ABR: variants seen among roughly 807,000 people sequenced by gnomAD.
The protein encoded by ABR is active breakpoint cluster region-related protein.
Under a neutral mutation model 107.2 loss-of-function variants are expected in ABR, and 35 were observed. The observed-to-expected ratio is 0.33, with a 90% confidence interval of 0.25 to 0.43. The LOEUF is 0.43. ABR is among the 20% of genes least tolerant of loss of function. The pLI, the probability that ABR is intolerant of heterozygous loss-of-function variation, is 1.00. For missense variants in ABR, 815 were observed against 1,115.2 expected (o/e 0.73, Z 3.83); for synonymous variants, 498 against 462.0 (o/e 1.08, Z -1.00).
At chr17:1,112,704 C>T (rs1020176598) in intron 2 of ABR, among the ~76,000 whole-genome samples, 5 of 151,922 alleles carry the variant, frequency 3.3e-5, no homozygotes, top group African/African-American at 1.2e-4. Context: ...GTGGGCTGAA[C>T]AGCATCATGG....
intron 16 of ABR, among the ~76,000 whole-genome samples, chr17:1,031,419 AGCGTTC>A (rs2072736580): frequency 6.6e-6 from 1 of 152,034 alleles, no homozygotes; most frequent in Non-Finnish European, 1.5e-5. Context: ...GGGCGGCCCC[AGCGTTC>A]GCCATCAAGT....
intron 10 of ABR, among the ~76,000 whole-genome samples, chr17:1,062,770 T>C (rs2034170048): frequency 6.8e-6 from 1 of 147,742 alleles, no homozygotes; most frequent in East Asian, 1.9e-4. Flanking sequence ...CTGAGGGCTA[T>C]GCATGTTCCT....
At chr17:1,139,352 A>C (rs954935569) in intron 1 of ABR, among the ~76,000 whole-genome samples, 8 of 152,258 alleles carry the variant, frequency 5.3e-5, no homozygotes, top group East Asian at 3.9e-4. Context: ...CCCGGGTTCA[A>C]GCCATTCTCC....
intron 4 of ABR, among the ~76,000 whole-genome samples, chr17:1,090,505 C>T (rs1360969837): frequency 2.6e-5 from 4 of 151,986 alleles, no homozygotes; most frequent in African/African-American, 7.3e-5. Context: ...CTGTGAGCAA[C>T]GGCCAAAAAG....
chr17:1,084,583 G>A lies in ABR; in HGVS notation c.532-956C>T, dbSNP rs986482544. Among the ~76,000 whole-genome samples the A allele has an allele frequency of 1.3e-5, 2 of 152,044 alleles. No homozygotes were observed. The highest frequency in any genetic ancestry group is 2.4e-5 in the African/African-American group (1 of 41,398). On this transcript the variant is annotated intron_variant, in intron 4 of 22. Transcript: ENST00000302538. The surrounding 1 kb of genome is among the most constrained non-coding windows in gnomAD (Gnocchi z 4.2). The stretch of plus-strand genomic sequence containing the variant: ...TCTGAGAGGCAGGGCAGACCCCATC[G>A]CCCCTTTCTGCAAAAGGGGAAACCG...
chr17:1,074,289 C>A (rs1644493982), intron 6 of ABR, among the ~76,000 whole-genome samples: 1 of 150,032 alleles, frequency 6.7e-6, no homozygotes, highest in African/African-American at 2.5e-5. Flanking sequence ...CCCAGAATCA[C>A]ACAGCTCCAC....
At chr17:1,036,623 G>A (rs1340615106) in intron 16 of ABR, among the ~76,000 whole-genome samples, 1 of 151,950 alleles carries the variant, frequency 6.6e-6, no homozygotes, top group African/African-American at 2.4e-5. Context: ...GGCCGAGCAT[G>A]GGAGCCCGGG....
At chr17:1,119,673 GGT>G (rs1388108247) in intron 2 of ABR, among the ~76,000 whole-genome samples, 1 of 152,218 alleles carries the variant, frequency 6.6e-6, no homozygotes, top group Non-Finnish European at 1.5e-5. Context: ...CAGGGATTAA[GGT>G]CCTGATCTCA....
chr17:1,103,010 G>T (rs867758518), intron 2 of ABR, among the ~76,000 whole-genome samples: 1 of 152,116 alleles, frequency 6.6e-6, no homozygotes, highest in Admixed American at 6.6e-5. Context: ...GAGCCGGGCC[G>T]AGATCCTTTT....
At chr17:1,022,258 C>T (rs140063482) in intron 16 of ABR, among the ~76,000 whole-genome samples, 2 of 152,184 alleles carry the variant, frequency 1.3e-5, no homozygotes, top group African/African-American at 2.4e-5. Flanking sequence ...AGCCAGGCAT[C>T]GGGTCTGAGG....
intron 2 of ABR, among the ~76,000 whole-genome samples, chr17:1,117,641 T>C (rs1597874804): frequency 2.3e-5 from 1 of 42,840 alleles, no homozygotes; most frequent in Admixed American, 2.8e-4. Context: ...CCCGAGTTCC[T>C]CCCAGCGTTA....
chr17:1,073,298 C>G (rs1416193788), intron 7 of ABR, among the ~76,000 whole-genome samples: 1 of 151,942 alleles, frequency 6.6e-6, no homozygotes, highest in Non-Finnish European at 1.5e-5. Context: ...CAGGTGGAGG[C>G]TCATCCCCCC....
chr17:1,214,093 G>C (rs561921797), intron 1 of ABR, among the ~76,000 whole-genome samples: 32 of 151,908 alleles, frequency 2.1e-4, no homozygotes, highest in African/African-American at 6.5e-4. Flanking sequence ...CATCATGTTG[G>C]TCAGGCTGGT....
chr17:1,116,831 C>T (rs1199488942), intron 2 of ABR, among the ~76,000 whole-genome samples: 4 of 152,188 alleles, frequency 2.6e-5, no homozygotes, highest in Non-Finnish European at 5.9e-5. Context: ...AGCTCGTGTC[C>T]TTCTCTTTGC....
At chr17:1,143,981 A>G (rs530479650) in intron 1 of ABR, among the ~76,000 whole-genome samples, 9 of 152,184 alleles carry the variant, frequency 5.9e-5, no homozygotes, top group Non-Finnish European at 1.2e-4. Context: ...GAGGTTGTCA[A>G]AGTAGCTATG....
chr17:1,130,890 G>A (rs1049811264), intron 1 of ABR, among the ~76,000 whole-genome samples: 4 of 152,208 alleles, frequency 2.6e-5, no homozygotes, highest in African/African-American at 9.7e-5. Context: ...ACTCTGCCCC[G>A]GCAGCCTGGG....
intron 2 of ABR, among the ~76,000 whole-genome samples, chr17:1,103,418 T>C (rs2038037834): frequency 6.6e-6 from 1 of 152,162 alleles, no homozygotes; most frequent in African/African-American, 2.4e-5. Context: ...TGCTGGGGGC[T>C]AGCACTCCCT....
In ABR at chr17:1,200,461, G is replaced by A. The variant is rs79928459; in HGVS notation, c.838+28332C>T. Among the ~76,000 whole-genome samples the A allele has an allele frequency of 2.0e-4, 30 of 152,216 alleles. 2 individuals carry two copies. In the East Asian group the frequency reaches 5.0e-3, roughly 25 times the overall value. On this transcript the variant is annotated intron_variant, in intron 1 of 22. Coordinates refer to the ABR transcript ENST00000574139. The surrounding 1 kb of genome is among the most constrained non-coding windows in gnomAD (Gnocchi z 4.1). ...AGCACCTTATATAAGAGACTTGGGC[G>A]TCCTGGGATTCTGGTATCTGCCAGG...
chr17:1,143,845 A>C (rs1481666856), intron 1 of ABR, among the ~76,000 whole-genome samples: 1 of 152,138 alleles, frequency 6.6e-6, no homozygotes, highest in Non-Finnish European at 1.5e-5. Flanking sequence ...CCCTGGGCAG[A>C]GAAGCGCATG....
Sources: gnomAD v4.1 joint callset for allele counts (sites outside exome capture counted in the v4.1 genomes callset) on GRCh38, gnomAD v4.1.1 for gene constraint, Gnocchi (gnomAD v3.1) non-coding constraint, MANE v1.5 for transcripts, NCBI Gene and HGNC (gene_info 2026-07-23, HGNC 2026-07-21) for gene names.